The following SGK3 variants were observed in gnomAD, a reference collection of about 807,000 sequenced individuals.
SGK3 encodes the protein serum/glucocorticoid regulated kinase family member 3.
Under a neutral mutation model 68.5 loss-of-function variants are expected in SGK3, and 47 were observed. The ratio of observed to expected loss-of-function variants is 0.69; its 90% CI spans 0.54 to 0.87. The LOEUF is 0.87. Ranked by LOEUF, SGK3 falls within the 40% of genes least tolerant of loss-of-function variation. The probability of loss-of-function intolerance (pLI) is 0.00; values close to 1 mark genes in which losing one functional copy is unlikely to be tolerated. For synonymous variants in SGK3, 181 were observed against 189.1 expected, an observed-to-expected ratio of 0.96 and a Z score of 0.35; for missense variants, 479 against 575.5, an observed-to-expected ratio of 0.83 and a Z score of 1.72.
chr8:66,800,165 C>A (rs1412377849), intron 3 of SGK3, among the ~76,000 whole-genome samples: 1 of 151,788 alleles, frequency 6.6e-6, no homozygotes, highest in Non-Finnish European at 1.5e-5. Context: ...CATGGTGAAA[C>A]CCCGTCTCTA....
At chr8:66,765,304 G>A (rs1488887862) in intron 1 of SGK3, among the ~76,000 whole-genome samples, 3 of 151,820 alleles carry the variant, frequency 2.0e-5, no homozygotes, top group African/African-American at 7.3e-5. Context: ...TTTCCCTAAT[G>A]ACTAATGTTG....
chr8:66,834,137 T>C (rs1183208050), intron 8 of SGK3, among the ~76,000 whole-genome samples: 4 of 152,234 alleles, frequency 2.6e-5, no homozygotes, highest in African/African-American at 9.6e-5. Flanking sequence ...ACAGGAATGT[T>C]TATAGCATCA....
At chr8:66,839,091 A>G (rs1449965814) in intron 10 of SGK3, among the ~76,000 whole-genome samples, 1 of 151,966 alleles carries the variant, frequency 6.6e-6, no homozygotes, top group Non-Finnish European at 1.5e-5. Context: ...TTTGGAGAAA[A>G]AATAACACGT....
intron 1 of SGK3, among the ~76,000 whole-genome samples, chr8:66,718,698 T>C (rs1481882233): frequency 6.6e-6 from 1 of 151,884 alleles, no homozygotes; most frequent in Non-Finnish European, 1.5e-5. Context: ...CCAGCTAATT[T>C]TGTATTTTTA....
At chr8:66,713,450 C>G (rs1366876822) in intron 1 of SGK3, among the ~76,000 whole-genome samples, 1 of 152,194 alleles carries the variant, frequency 6.6e-6, no homozygotes, top group Non-Finnish European at 1.5e-5. Flanking sequence ...ACTTAAAACG[C>G]TTTCATTGAG....
At chr8:66,844,013 A>C (rs939606061) in intron 14 of SGK3, among the ~76,000 whole-genome samples, 46 of 151,602 alleles carry the variant, frequency 3.0e-4, no homozygotes, top group Admixed American at 4.6e-4. Flanking sequence ...AAAAAAAAAA[A>C]AAAAAACCCT....
chr8:66,738,392 G>A (rs948978761), intron 1 of SGK3, among the ~76,000 whole-genome samples: 1 of 152,254 alleles, frequency 6.6e-6, no homozygotes, highest in Admixed American at 6.5e-5. Flanking sequence ...AGATGTGACC[G>A]TTGTCATTCC....
intron 1 of SGK3, among the ~76,000 whole-genome samples, chr8:66,730,592 T>C (rs780753570): frequency 1.3e-5 from 2 of 152,202 alleles, no homozygotes; most frequent in Non-Finnish European, 2.9e-5. Flanking sequence ...TTCTTTTAGA[T>C]CTGTGATCTG....
chr8:66,805,964 T>C (rs1808142416), intron 4 of SGK3, among the ~76,000 whole-genome samples: 1 of 152,232 alleles, frequency 6.6e-6, no homozygotes, highest in African/African-American at 2.4e-5. Context: ...ACCATATCAC[T>C]GTGTCCTATA....
intron 1 of SGK3, among the ~76,000 whole-genome samples, chr8:66,751,330 T>C (rs1805812705): frequency 6.6e-6 from 1 of 152,218 alleles, no homozygotes; most frequent in Non-Finnish European, 1.5e-5. Flanking sequence ...GGTTTACATA[T>C]TCATTTTTAT....
chr8:66,858,358 C>G (rs570507140), intron 16 of SGK3, among the ~76,000 whole-genome samples: 1 of 150,882 alleles, frequency 6.6e-6, no homozygotes, highest in East Asian at 1.9e-4. Context: ...CCCAGCTACT[C>G]GGGAGGCTGA....
chr8:66,784,580 CT>C (rs950133776), intron 1 of SGK3, among the ~76,000 whole-genome samples: 4 of 151,852 alleles, frequency 2.6e-5, no homozygotes, highest in Non-Finnish European at 4.4e-5. Flanking sequence ...AATCTTTTGA[CT>C]TTTTTTATAT....
intron 1 of SGK3, among the ~76,000 whole-genome samples, chr8:66,720,410 A>G (rs541624563): frequency 6.6e-6 from 1 of 152,176 alleles, no homozygotes; most frequent in Non-Finnish European, 1.5e-5. Flanking sequence ...AGGTGGGCAG[A>G]TCGCTTGAGC....
Position 66,843,434 on chromosome 8 carries a change from T to C in SGK3, c.979-18T>C. Reference sequence around the variant, plus strand: ...ATTTGTTTACTGACTTGCTCTAATATTTTATTGTTTTCTATAGTATCTTGC... The same window carrying C: ...ATTTGTTTACTGACTTGCTCTAATACTTTATTGTTTTCTATAGTATCTTGC... On this transcript the variant is annotated intron_variant, in intron 13 of 16. Transcript: ENST00000521198. 6.2e-7 allele frequency: 1 copy of C among 1,602,184 alleles called. No individual in the cohort carries two copies. The highest frequency in any genetic ancestry group is 8.5e-7 in the Non-Finnish European group (1 of 1,174,886).
At position 66,840,041 on chromosome 8, in the gene SGK3, GCA is replaced by G. The variant is rs761399246; in HGVS notation, c.783_784del (p.His261GlnfsTer3). ...HLQRERSFPE[H>X]RARFYAAEIA... is the part of the protein sequence containing the mutation. Reference sequence around the variant, plus strand: ...TACAAAGAGAACGGTCCTTTCCTGAGCACAGAGCTAGGTTTTACGCTGCTGAA... The same window carrying G: ...TACAAAGAGAACGGTCCTTTCCTGAGCAGAGCTAGGTTTTACGCTGCTGAA... On this transcript the variant is annotated frameshift_variant, in exon 11 of 17. Transcript: ENST00000521198. LOFTEE classifies it high-confidence loss of function. 1.9e-6 allele frequency: 3 copies of G among 1,613,620 alleles called. No individual in the cohort carries two copies. The highest frequency in any genetic ancestry group is 8.5e-7 in the Non-Finnish European group (1 of 1,179,916).
intron 1 of SGK3, among the ~76,000 whole-genome samples, chr8:66,740,585 TTA>T (rs1805449886): frequency 6.6e-6 from 1 of 152,178 alleles, no homozygotes; most frequent in Non-Finnish European, 1.5e-5. Context: ...ATTGCTCATC[TTA>T]GTATGGTCAT....
intron 4 of SGK3, among the ~76,000 whole-genome samples, chr8:66,809,138 G>C (rs1044806383): frequency 6.6e-6 from 1 of 152,140 alleles, no homozygotes; most frequent in Admixed American, 6.6e-5. Flanking sequence ...AAAGTGCTGG[G>C]ATTACACCAC....
chr8:66,732,557 A>G (rs2130371407), intron 1 of SGK3, among the ~76,000 whole-genome samples: 1 of 152,316 alleles, frequency 6.6e-6, no homozygotes, highest in South Asian at 2.1e-4. Flanking sequence ...TTAAAAATAA[A>G]TTGTTGTCTG....
chr8:66,774,193 G>GTGACT (rs1439342953), intron 1 of SGK3, among the ~76,000 whole-genome samples: 10 of 152,126 alleles, frequency 6.6e-5, no homozygotes, highest in African/African-American at 2.2e-4. Flanking sequence ...TTCAGATATT[G>GTGACT]TGACTTCCCT....
Sources: gnomAD v4.1 joint callset for allele counts (sites outside exome capture counted in the v4.1 genomes callset) on GRCh38, gnomAD v4.1.1 for gene constraint, MANE v1.5 for transcripts, NCBI Gene and HGNC (gene_info 2026-07-23, HGNC 2026-07-21) for gene names.